The following FBXL17 variants were observed in gnomAD, a reference collection of about 807,000 sequenced individuals.
FBXL17 encodes F-box and leucine rich repeat protein 17.
In FBXL17, 22 loss-of-function variants were observed where a neutral mutation model predicts 66.2. That is an observed-to-expected ratio of 0.33 (90% CI 0.24 to 0.47). FBXL17 has a LOEUF of 0.47. Ranked by LOEUF, FBXL17 falls within the 20% of genes least tolerant of loss-of-function variation. The pLI is 1.00. For missense variants in FBXL17, 878 were observed against 948.2 expected (o/e 0.93, Z 0.97); for synonymous variants, 474 against 400.5 (o/e 1.18, Z -2.19).
chr5:108,078,636 G>A (rs1053211710), intron 6 of FBXL17, among the ~76,000 whole-genome samples: 4 of 152,032 alleles, frequency 2.6e-5, no homozygotes, highest in East Asian at 1.9e-4. Flanking sequence ...TATTTTCTCC[G>A]AGAGCTGCTA....
chr5:107,923,448 A>T (rs1045943358), intron 7 of FBXL17, among the ~76,000 whole-genome samples: 3 of 152,122 alleles, frequency 2.0e-5, no homozygotes, highest in Admixed American at 1.3e-4. Context: ...GTCTTGGCCA[A>T]TTCATGTAGT....
At chr5:108,106,769 C>T (rs1020638473) in intron 6 of FBXL17, among the ~76,000 whole-genome samples, 5 of 152,064 alleles carry the variant, frequency 3.3e-5, no homozygotes, top group African/African-American at 9.7e-5. Context: ...AGGAGTGATG[C>T]TATGGGTTAC....
rs765399250 is a variant in FBXL17, at chr5:108,002,182, A to ATTTTTTTTTTTTTTTT, written c.1822+18727_1822+18742dup. ...TGGCACACACCACCACACCCAGCTA[A>ATTTTTTTTTTTTTTTT]TTTTTTTTTTTTTTTTTTTTTTAGT... On this transcript the variant is annotated intron_variant, in intron 7 of 8. Coordinates refer to ENST00000542267, the MANE Select transcript of FBXL17 (RefSeq NM_001163315.3). Among the ~76,000 whole-genome samples, 74 of 109,444 alleles carry ATTTTTTTTTTTTTTTT rather than the reference A, an allele frequency of 6.8e-4. 6 individuals are homozygous for ATTTTTTTTTTTTTTTT. The highest frequency in any genetic ancestry group is 3.2e-3 in the African/African-American group (71 of 22,296). The allele number at this position is 109,444 out of a possible 152,430, so 71.8% of individuals were successfully genotyped here.
intron 4 of FBXL17, among the ~76,000 whole-genome samples, chr5:108,342,910 T>C (rs560355873): frequency 6.6e-6 from 1 of 152,294 alleles, no homozygotes; most frequent in Non-Finnish European, 1.5e-5. Flanking sequence ...CCAAAACCCA[T>C]ATGTTGAAAT....
At chr5:108,217,083 G>T (rs1754636788) in intron 5 of FBXL17, among the ~76,000 whole-genome samples, 2 of 152,046 alleles carry the variant, frequency 1.3e-5, no homozygotes, top group African/African-American at 4.8e-5. Context: ...CAGCCCGATT[G>T]TTCCCAGGCC....
At chr5:108,203,153 T>G (rs375061553) in intron 5 of FBXL17, among the ~76,000 whole-genome samples, 1 of 152,228 alleles carries the variant, frequency 6.6e-6, no homozygotes, top group African/African-American at 2.4e-5. Context: ...TGAGGAACTT[T>G]CGTACATCAT....
At chr5:108,321,592 T>G (rs987624172) in intron 4 of FBXL17, among the ~76,000 whole-genome samples, 1 of 151,936 alleles carries the variant, frequency 6.6e-6, no homozygotes, top group Non-Finnish European at 1.5e-5. Flanking sequence ...AAATTTACAT[T>G]GCTACTGCTC....
intron 7 of FBXL17, among the ~76,000 whole-genome samples, chr5:107,889,939 C>A (rs1401545953): frequency 6.6e-6 from 1 of 152,180 alleles, no homozygotes; most frequent in Non-Finnish European, 1.5e-5. Flanking sequence ...ACCTGATCCA[C>A]TGCTCTGGTT....
chr5:107,964,685 A>G (rs563743671), intron 7 of FBXL17, among the ~76,000 whole-genome samples: 32 of 152,260 alleles, frequency 2.1e-4, no homozygotes. Context: ...CTGAGACCCC[A>G]AAGACCTCAA....
chr5:108,275,484 C>T (rs1757447062), intron 4 of FBXL17, among the ~76,000 whole-genome samples: 1 of 152,146 alleles, frequency 6.6e-6, no homozygotes, highest in Admixed American at 6.5e-5. Context: ...GTAACCATGA[C>T]TCCCTTCTGC....
At chr5:108,073,434 A>G (rs1411946877) in intron 6 of FBXL17, among the ~76,000 whole-genome samples, 1 of 152,156 alleles carries the variant, frequency 6.6e-6, no homozygotes, top group East Asian at 1.9e-4. Context: ...TTAATTACTG[A>G]CAATTATAAG....
intron 5 of FBXL17, among the ~76,000 whole-genome samples, chr5:108,208,335 T>G (rs1754217708): frequency 6.6e-6 from 1 of 152,204 alleles, no homozygotes; most frequent in African/African-American, 2.4e-5. Flanking sequence ...ATTTGTCTAT[T>G]TTGGCTTTTG....
At chr5:108,082,549 A>G (rs1748810428) in intron 6 of FBXL17, among the ~76,000 whole-genome samples, 1 of 152,222 alleles carries the variant, frequency 6.6e-6, no homozygotes, top group South Asian at 2.1e-4. Context: ...CCCAGTAGAC[A>G]ACATTTTACA....
At chr5:108,027,334 A>C (rs1464300198) in intron 6 of FBXL17, among the ~76,000 whole-genome samples, 3 of 152,164 alleles carry the variant, frequency 2.0e-5, no homozygotes, top group Admixed American at 1.3e-4. Flanking sequence ...CTTGCAATAA[A>C]CTTGGCTCTG....
chr5:108,008,886 T>C (rs887823875), intron 7 of FBXL17, among the ~76,000 whole-genome samples: 8 of 151,960 alleles, frequency 5.3e-5, no homozygotes, highest in African/African-American at 1.9e-4. Context: ...ATTTTATTTC[T>C]AATAGTAGAA....
At chr5:107,913,055 A>G (rs1160812436) in intron 7 of FBXL17, among the ~76,000 whole-genome samples, 1 of 152,110 alleles carries the variant, frequency 6.6e-6, no homozygotes, top group African/African-American at 2.4e-5. Flanking sequence ...AGTAGAGATC[A>G]TATTTTATTT....
intron 4 of FBXL17, among the ~76,000 whole-genome samples, chr5:108,277,809 A>G (rs1308318082): frequency 3.3e-5 from 5 of 152,252 alleles, no homozygotes; most frequent in Admixed American, 1.3e-4. Flanking sequence ...TCCAGTGCAT[A>G]TAAAAGGTGT....
intron 6 of FBXL17, among the ~76,000 whole-genome samples, chr5:108,098,117 C>G (rs1020620107): frequency 4.9e-4 from 74 of 152,102 alleles, no homozygotes; most frequent in African/African-American, 1.7e-3. Context: ...AACATAGTGA[C>G]TTCAGTAAAA....
intron 4 of FBXL17, among the ~76,000 whole-genome samples, chr5:108,279,844 A>T (rs1290115687): frequency 1.3e-5 from 2 of 151,994 alleles, no homozygotes; most frequent in South Asian, 2.1e-4. Flanking sequence ...AAAAAATTTT[A>T]AAAAAAGACT....
Sources: gnomAD v4.1 joint callset for allele counts (sites outside exome capture counted in the v4.1 genomes callset) on GRCh38, gnomAD v4.1.1 for gene constraint, MANE v1.5 for transcripts, NCBI Gene and HGNC (gene_info 2026-07-23, HGNC 2026-07-21) for gene names.